HMBOX1: variants seen among roughly 807,000 people sequenced by gnomAD.
HMBOX1 encodes homeobox-containing protein 1.
A neutral mutation model predicts 54.5 loss-of-function variants in HMBOX1; 14 were observed. That is an observed-to-expected ratio of 0.26 (90% CI 0.17 to 0.40). The LOEUF is 0.40. Ranked by LOEUF, HMBOX1 falls within the 10% of genes least tolerant of loss-of-function variation. HMBOX1 has a pLI of 1.00. For missense variants in HMBOX1, 332 were observed against 514.4 expected, an observed-to-expected ratio of 0.65 and a Z score of 3.43; for synonymous variants, 160 against 181.0, an observed-to-expected ratio of 0.88 and a Z score of 0.93.
chr8:28,909,787 C>T (rs957408543), intron 1 of HMBOX1, among the ~76,000 whole-genome samples: 3 of 152,082 alleles, frequency 2.0e-5, no homozygotes, highest in Non-Finnish European at 2.9e-5. Flanking sequence ...ATTAAGTGTA[C>T]TGCTCAATGA....
chr8:28,982,535 C>T (rs1395682473), intron 4 of HMBOX1, among the ~76,000 whole-genome samples: 1 of 152,078 alleles, frequency 6.6e-6, no homozygotes, highest in Non-Finnish European at 1.5e-5. Context: ...TTGCAGCGTC[C>T]ACCTCCTAGG....
chr8:28,966,924 T>C (rs1641949072), intron 2 of HMBOX1, among the ~76,000 whole-genome samples: 1 of 152,204 alleles, frequency 6.6e-6, no homozygotes. Context: ...TATTCTCTGA[T>C]GAAACAAAAC....
At chr8:28,939,674 T>G (rs535337859) in intron 1 of HMBOX1, among the ~76,000 whole-genome samples, 1 of 151,924 alleles carries the variant, frequency 6.6e-6, no homozygotes, top group East Asian at 2.0e-4. Flanking sequence ...CACGCCTGAC[T>G]AATTTTTGTG....
At chr8:28,952,299 T>C (rs1823596004) in intron 1 of HMBOX1, among the ~76,000 whole-genome samples, 1 of 152,058 alleles carries the variant, frequency 6.6e-6, no homozygotes, top group Admixed American at 6.6e-5. Context: ...AGTGGCATGA[T>C]CTTGACTCAC....
At chr8:28,946,575 A>AT (rs1412772190) in intron 1 of HMBOX1, among the ~76,000 whole-genome samples, 9 of 149,440 alleles carry the variant, frequency 6.0e-5, no homozygotes, top group African/African-American at 1.3e-4. Context: ...GTCTCAAAAA[A>AT]AAAAAAATAT....
At chr8:28,894,044 A>G (rs1307241155) in intron 1 of HMBOX1, among the ~76,000 whole-genome samples, 2 of 152,218 alleles carry the variant, frequency 1.3e-5, no homozygotes, top group Non-Finnish European at 2.9e-5. Context: ...TAAACCGAAT[A>G]GTGCTCATTG....
chr8:28,970,555 G>A lies in HMBOX1; in HGVS notation c.500+36G>A, dbSNP rs1030244899. 6 of 1,321,492 alleles carry A rather than the reference G, an allele frequency of 4.5e-6. No homozygotes were observed. The African/African-American group carries it at 8.8e-5, about 19-fold the overall frequency. 81.9% of individuals were successfully genotyped at this position (1,321,492 alleles called of 1,614,324 possible). On this transcript the variant is annotated intron_variant, in intron 3 of 9. Coordinates refer to ENST00000287701, the MANE Select transcript of HMBOX1 (RefSeq NM_001135726.3). This position sits in a 1 kb window ranked among gnomAD's most constrained non-coding sequence, Gnocchi z 4.3. ...TTGCTTATTCAGAGTCCCTAAAAAT[G>A]TCTGTATTCTTAGATTGTTTTTAAG...
At chr8:28,940,410 T>C (rs1232700101) in intron 1 of HMBOX1, among the ~76,000 whole-genome samples, 3 of 152,218 alleles carry the variant, frequency 2.0e-5, no homozygotes, top group Non-Finnish European at 4.4e-5. Flanking sequence ...TCCCACATTA[T>C]ATGCTCTCAT....
intron 9 of HMBOX1, chr8:29,049,377 A>C: frequency 6.5e-7 from 1 of 1,533,642 alleles, no homozygotes; most frequent in East Asian, 2.4e-5. Flanking sequence ...AGAAGAGAGG[A>C]GGATCTGATC....
rs145965758 is a variant in HMBOX1 at position 28,900,750 on chromosome 8, G to A, written c.-58+10072G>A. On this transcript the variant is annotated intron_variant, in intron 1 of 9. Transcript: ENST00000287701. ...TTTTATTCCCACCTTTTGTCATTAA[G>A]TTCTCCTTTATTCTAATTTTCTGGA... Among the ~76,000 whole-genome samples the A allele has an allele frequency of 2.0e-3, 308 of 151,988 alleles. 4 individuals are homozygous for A. Among genetic ancestry groups the A allele is most frequent in the Non-Finnish European group, 3.2e-3 (215 of 67,942 alleles).
intron 6 of HMBOX1, among the ~76,000 whole-genome samples, chr8:29,019,241 A>C (rs1245316946): frequency 3.3e-5 from 5 of 152,226 alleles, no homozygotes; most frequent in Admixed American, 6.5e-5. Context: ...TTTCATCAAA[A>C]ATAATGAATA....
At chr8:28,937,547 G>A (rs918371109) in intron 1 of HMBOX1, among the ~76,000 whole-genome samples, 2 of 152,192 alleles carry the variant, frequency 1.3e-5, no homozygotes, top group African/African-American at 2.4e-5. Context: ...ATCTTGGGAA[G>A]TATTCTTAGT....
intron 1 of HMBOX1, among the ~76,000 whole-genome samples, chr8:28,908,776 C>G (rs1262015539): frequency 6.6e-6 from 1 of 151,708 alleles, no homozygotes; most frequent in East Asian, 1.9e-4. Context: ...AAAAAAAAAC[C>G]TGGGTTATAT....
At chr8:28,955,614 T>G (rs550900574) in intron 1 of HMBOX1, among the ~76,000 whole-genome samples, 3 of 152,242 alleles carry the variant, frequency 2.0e-5, no homozygotes, top group Non-Finnish European at 4.4e-5. Context: ...AAGTATATTG[T>G]AATTTAGCCA....
In HMBOX1 at chr8:29,017,763, G is replaced by A. The variant is rs182042649; in HGVS notation, c.698-997G>A. 5.3e-5 allele frequency among the ~76,000 whole-genome samples: 8 copies of A among 152,098 alleles called. No homozygotes were observed. The East Asian group carries it at 1.3e-3, about 26-fold the overall frequency. ...TCTAAAGATGTAGCTATTAAGAAGGGGATCTACAATAGATCTGTAAGTCTT... is the reference window on the plus strand; with the variant it reads ...TCTAAAGATGTAGCTATTAAGAAGGAGATCTACAATAGATCTGTAAGTCTT... On this transcript the variant is annotated intron_variant, in intron 5 of 9. Transcript: ENST00000287701.
intron 1 of HMBOX1, among the ~76,000 whole-genome samples, chr8:28,937,336 T>C (rs1168969452): frequency 6.6e-6 from 1 of 152,214 alleles, no homozygotes; most frequent in African/African-American, 2.4e-5. Context: ...ATTATTCTTA[T>C]GTGTACAACA....
At chr8:29,047,563 T>TA in intron 8 of HMBOX1, 110 bp downstream of exon 8, 6 of 490,956 alleles carry the variant, frequency 1.2e-5, no homozygotes, top group South Asian at 2.6e-5. Flanking sequence ...TCCTAACTTC[T>TA]CTTTTTTTTT....
intron 5 of HMBOX1, among the ~76,000 whole-genome samples, chr8:29,010,469 T>C (rs1586460443): frequency 6.6e-6 from 1 of 152,078 alleles, no homozygotes; most frequent in Admixed American, 6.5e-5. Flanking sequence ...GGCAGAGAAA[T>C]TGCTTTAACT....
chr8:28,957,066 A>G (rs1401845176), intron 1 of HMBOX1, among the ~76,000 whole-genome samples: 1 of 152,188 alleles, frequency 6.6e-6, no homozygotes, highest in Non-Finnish European at 1.5e-5. Context: ...CGTGGAGGGT[A>G]TAAACCCAAA....
Sources: allele counts gnomAD v4.1 joint callset (sites outside exome capture counted in the v4.1 genomes callset), GRCh38; gene constraint gnomAD v4.1.1; non-coding constraint Gnocchi (gnomAD v3.1); transcripts MANE v1.5; gene names NCBI Gene and HGNC (gene_info 2026-07-23, HGNC 2026-07-21).